The following UBR4 variants were observed in gnomAD, a reference collection of about 807,000 sequenced individuals.
UBR4 encodes ubiquitin protein ligase E3 component n-recognin 4, also known as E3 ubiquitin-protein ligase UBR4.
A neutral mutation model predicts 575.6 loss-of-function variants in UBR4; 124 were observed. That is an observed-to-expected ratio of 0.22 (90% confidence interval 0.19 to 0.25). The LOEUF (loss-of-function observed/expected upper bound fraction) is 0.25. Among genes scored for constraint, UBR4 ranks in the 10% least tolerant of loss-of-function variants. The pLI, the probability that UBR4 is intolerant of heterozygous loss-of-function variation, is 1.00. For synonymous variants in UBR4, 2,455 were observed against 2,473.7 expected (o/e 0.99, Z 0.22); for missense variants, 4,818 against 6,478.8 (o/e 0.74, Z 8.80).
rs187975728 is a variant in UBR4 at position 19,188,815 on chromosome 1, A to T, written c.1395-1275T>A. Among the ~76,000 whole-genome samples the T allele has an allele frequency of 1.3e-3, 200 of 152,180 alleles. No individual in the cohort carries two copies. The Middle Eastern group carries it at 0.014, about 10-fold the overall frequency. On this transcript the variant is annotated intron_variant, in intron 11 of 105. Transcript: ENST00000375254. ...AGATCCCATCTCTGCAAAAAATTTT[A>T]AAAATTAGCTGGGCATGGTGGTGCA... is the stretch of plus-strand genomic sequence containing the variant.
intron 87 of UBR4, among the ~76,000 whole-genome samples, chr1:19,102,643 A>C (rs1181059760): frequency 2.0e-5 from 3 of 152,196 alleles, no homozygotes; most frequent in Admixed American, 6.5e-5. Flanking sequence ...GAAATCGGGA[A>C]GCCAGGGAGA....
rs373937773 is a variant in UBR4 at position 19,117,348 on chromosome 1, T to C, written c.10696A>G (p.Ile3566Val). Reference sequence around the variant, plus strand: ...ACTTTGCTGATGGTGTGACTGCCAATGAGCTTCACAACCTGCTGGGTGGTG... The same window carrying C: ...ACTTTGCTGATGGTGTGACTGCCAACGAGCTTCACAACCTGCTGGGTGGTG... Reference protein sequence around the residue: ...YTTTQQVVKLIGSHTISKVTV... With the variant: ...YTTTQQVVKLVGSHTISKVTV... Residue 3566 changes from isoleucine (I) to valine (V), a missense_variant, in exon 73 of 106, where the codon ATT becomes GTT. Around this residue, in one of 29 missense-constraint regions of UBR4, gnomAD observed 550 missense variants for 791.5 expected, o/e 0.69. Transcript: ENST00000375254. This position sits in a 1 kb window ranked among gnomAD's most constrained non-coding sequence, Gnocchi z 4.0. The C allele has an allele frequency of 6.8e-6, 11 of 1,614,036 alleles. No homozygotes were observed. In the African/African-American group the frequency reaches 1.5e-4, roughly 22 times the overall value.
In UBR4 at chr1:19,198,595, G is replaced by A; in HGVS notation, c.594C>T (p.Thr198=). ...CTACAGTTCTAGGGTTAAAAACTGA[G>A]GTCAGCTGGTTCAAAAAATTCATCT... ...EVQMNFLNQL[T]SVFNPRTVAS... The change falls in exon 5 of 106, where the codon ACC becomes ACT. Residue 198 remains threonine (T), a synonymous_variant. Transcript: ENST00000375254. 1.9e-6 allele frequency: 3 copies of A among 1,614,102 alleles called. No homozygotes were observed. The highest frequency in any genetic ancestry group is 2.5e-6 in the Non-Finnish European group (3 of 1,180,026).
chr1:19,176,082 C>T (rs2090223403), intron 20 of UBR4, among the ~76,000 whole-genome samples: 1 of 151,754 alleles, frequency 6.6e-6, no homozygotes, highest in South Asian at 2.1e-4. Flanking sequence ...CCACCATGCT[C>T]AGCCTCAATT....
At chr1:19,159,907 C>CTTTTTTTTTTTTTTTTTTTTT (rs1448022935) in intron 39 of UBR4, among the ~76,000 whole-genome samples, 1 of 152,116 alleles carries the variant, frequency 6.6e-6, no homozygotes, top group African/African-American at 2.4e-5. Flanking sequence ...CAATTCTCTT[C>CTTTTTTTTTTTTTTTTTTTTT]TTTTGAAGCC....
intron 58 of UBR4, among the ~76,000 whole-genome samples, chr1:19,140,552 TC>T (rs1489976144): frequency 6.6e-6 from 1 of 152,262 alleles, no homozygotes; most frequent in Non-Finnish European, 1.5e-5. Context: ...TCTCGGCTTT[TC>T]CGTGGGGAAG....
At position 19,117,243 on chromosome 1, in the gene UBR4, C is replaced by A; in HGVS notation, c.10801G>T (p.Ala3601Ser). Residue 3601 changes from alanine to serine, a missense_variant, in exon 73 of 106, where the codon GCC becomes TCC. Ala to Ser is a moderately conservative substitution (Grantham distance 99). This residue lies in a region of UBR4 where 550 missense variants were observed against 791.5 expected (regional missense o/e 0.69). Transcript: ENST00000375254. The surrounding 1 kb of genome is among the most constrained non-coding windows in gnomAD (Gnocchi z 4.0). ...NLYYNNRTVQ[A>S]IVELKNKPAR... ...TACTTGTTTTTCAACTCCACGATGG[C>A]CTGCACGGTTCGGTTGTTATAATAC... is the stretch of plus-strand genomic sequence containing the variant. The A allele has an allele frequency of 6.2e-7, 1 of 1,614,038 alleles. No homozygotes were observed. Among genetic ancestry groups the A allele is most frequent in the Non-Finnish European group, 8.5e-7 (1 of 1,179,968 alleles).
At chr1:19,108,209 T>A (rs1435706294) in intron 81 of UBR4, among the ~76,000 whole-genome samples, 1 of 152,240 alleles carries the variant, frequency 6.6e-6, no homozygotes, top group Non-Finnish European at 1.5e-5. Context: ...AAACTTTTCA[T>A]ACTTCATTAC....
Position 19,100,538 on chromosome 1 carries a change from C to T in UBR4, c.13059G>A (p.Leu4353=), listed in dbSNP as rs1417000094. Residue 4353 remains leucine (L), a synonymous_variant, in exon 89 of 106, where the codon CTG becomes CTA. Coordinates refer to ENST00000375254, the MANE Select transcript of UBR4 (RefSeq NM_020765.3). The surrounding 1 kb of genome is among the most constrained non-coding windows in gnomAD (Gnocchi z 4.2). ...AGTCTTCTTGTTGGGGATCCTTCTCCAGGGTCACAAAGAACTCAGTGACTT... is the reference window on the plus strand; with the variant it reads ...AGTCTTCTTGTTGGGGATCCTTCTCTAGGGTCACAAAGAACTCAGTGACTT... The part of the protein sequence containing the change: ...ENEVTEFFVT[L]EKDPQQEDFL... 6 of 1,613,912 alleles carry T rather than the reference C, an allele frequency of 3.7e-6. No individual in the cohort carries two copies. Among genetic ancestry groups the T allele is most frequent in the Non-Finnish European group, 4.2e-6 (5 of 1,180,012 alleles).
chr1:19,118,256 G>GC, intron 71 of UBR4: 1 of 183,034 alleles, frequency 5.5e-6, no homozygotes, highest in South Asian at 1.4e-4. Context: ...TCTCAATAAA[G>GC]TTTTTTTAAA....
In UBR4 at chr1:19,148,533, G is replaced by A. The variant is rs753976798; in HGVS notation, c.7494+30C>T. 2.4e-5 allele frequency: 39 copies of A among 1,613,902 alleles called. 1 individual carries two copies. In the South Asian group the frequency reaches 3.8e-4, roughly 16 times the overall value. On this transcript the variant is annotated intron_variant, in intron 50 of 105. Coordinates refer to ENST00000375254, the MANE Select transcript of UBR4 (RefSeq NM_020765.3). ...CACTGACTTCCTGCCTCTTCAGAAA[G>A]CTTCCATGTGCTTTGAAAAAGTGAC...
At position 19,088,713 on chromosome 1, in the gene UBR4, T is replaced by A; in HGVS notation, c.14430+46A>T. On this transcript the variant is annotated intron_variant, in intron 98 of 105. Transcript: ENST00000375254. The surrounding 1 kb of genome is among the most constrained non-coding windows in gnomAD (Gnocchi z 4.0). ...GGGCTGTCCCATGGCCACCTCCTCA[T>A]CAACAGTGTGGGCAGAAATATGGGG... 2 of 1,602,366 alleles carry A rather than the reference T, an allele frequency of 1.2e-6. No homozygotes were observed. The highest frequency in any genetic ancestry group is 2.2e-5 in the East Asian group (1 of 44,780).
chr1:19,131,185 A>C (rs894470373), intron 60 of UBR4, among the ~76,000 whole-genome samples: 1 of 148,798 alleles, frequency 6.7e-6, no homozygotes, highest in South Asian at 2.1e-4. Flanking sequence ...CTGGGATTAC[A>C]GGTTTAAGTC....
chr1:19,163,942 G>A, intron 33 of UBR4, 115 bp from the exon 34 acceptor site: 1 of 1,171,178 alleles, frequency 8.5e-7, no homozygotes. Context: ...TGAAGCAGAA[G>A]CATTCTTAGA....
At chr1:19,134,086 TAAAAAAAAAAAAA>T (rs71030132) in intron 60 of UBR4, among the ~76,000 whole-genome samples, 5 of 52,524 alleles carry the variant, frequency 9.5e-5, no homozygotes, top group South Asian at 9.0e-4. Flanking sequence ...ACTCTGTCTC[TAAAAAAAAAAAAA>T]AAAAAAAAAA....
chr1:19,143,306 G>T (rs998914555), intron 55 of UBR4, among the ~76,000 whole-genome samples: 6 of 123,830 alleles, frequency 4.8e-5, no homozygotes, highest in Admixed American at 2.5e-4. Flanking sequence ...AAGAAAGAAA[G>T]AAAGAAAGAA....
Position 19,198,128 on chromosome 1 carries a change from C to T in UBR4, c.649-79G>A, listed in dbSNP as rs772357504. On this transcript the variant is annotated intron_variant, in intron 5 of 105. Coordinates refer to ENST00000375254, the MANE Select transcript of UBR4 (RefSeq NM_020765.3). ...CTGTCAAAAGTGAGCAGTAGCTGCA[C>T]GGATACTCTCCAGACTCCCCAGTTA... 572 of 1,367,370 alleles carry T rather than the reference C, an allele frequency of 4.2e-4. 2 individuals are homozygous for T. The highest frequency in any genetic ancestry group is 7.6e-4 in the Middle Eastern group (4 of 5,274). The allele number at this position is 1,367,370 out of a possible 1,614,324, so 84.7% of individuals were successfully genotyped here.
intron 22 of UBR4, among the ~76,000 whole-genome samples, chr1:19,174,083 G>A (rs1302180065): frequency 6.6e-6 from 1 of 152,090 alleles, no homozygotes; most frequent in Non-Finnish European, 1.5e-5. Flanking sequence ...CACTTGGGGG[G>A]GGACCACTAA....
At chr1:19,146,016 A>C in intron 52 of UBR4, 83 bp from the exon 53 acceptor site, 2 of 1,607,100 alleles carry the variant, frequency 1.2e-6, no homozygotes, top group Non-Finnish European at 1.7e-6. Context: ...AGGTCAAGGA[A>C]GCTTGCCTGG....
Sources: gnomAD v4.1 joint callset for allele counts (sites outside exome capture counted in the v4.1 genomes callset) on GRCh38, gnomAD v4.1.1 for gene constraint, gnomAD v4.1.1 regional missense constraint, Gnocchi (gnomAD v3.1) non-coding constraint, MANE v1.5 for transcripts, NCBI Gene and HGNC (gene_info 2026-07-23, HGNC 2026-07-21) for gene names.